LDB2: variants seen among roughly 807,000 people sequenced by gnomAD.
LDB2 encodes LIM domain-binding protein 2.
A neutral mutation model predicts 44.3 loss-of-function variants in LDB2; 12 were observed. The observed-to-expected ratio is 0.27, with a 90% confidence interval of 0.17 to 0.44. The LOEUF (loss-of-function observed/expected upper bound fraction) is 0.44. Among genes scored for constraint, LDB2 ranks in the 20% least tolerant of loss-of-function variants. LDB2 has a pLI of 1.00. For missense variants in LDB2, 344 were observed against 473.5 expected, an observed-to-expected ratio of 0.73 and a Z score of 2.54; for synonymous variants, 164 against 174.8, an observed-to-expected ratio of 0.94 and a Z score of 0.49.
chr4:16,546,285 A>T (rs1184068637), intron 5 of LDB2, among the ~76,000 whole-genome samples: 1 of 152,256 alleles, frequency 6.6e-6, no homozygotes, highest in African/African-American at 2.4e-5. Flanking sequence ...ACAGGTATCT[A>T]CGTTTGAAGG....
chr4:16,865,970 C>G (rs927490877), intron 1 of LDB2, among the ~76,000 whole-genome samples: 1 of 152,184 alleles, frequency 6.6e-6, no homozygotes, highest in Non-Finnish European at 1.5e-5. Flanking sequence ...GAAACTTCCT[C>G]TCTAAATCAG....
intron 1 of LDB2, among the ~76,000 whole-genome samples, chr4:16,784,416 A>T (rs1458721717): frequency 6.6e-6 from 1 of 152,198 alleles, no homozygotes; most frequent in South Asian, 2.1e-4. Context: ...AAGAATGTGC[A>T]CATTTCCTTA....
At chr4:16,769,953 C>T (rs1050866644) in intron 1 of LDB2, among the ~76,000 whole-genome samples, 1 of 152,294 alleles carries the variant, frequency 6.6e-6, no homozygotes, top group Non-Finnish European at 1.5e-5. Flanking sequence ...GTAGAAGTTA[C>T]ATCAGTGGTT....
At chr4:16,608,809 G>A (rs1424826670) in intron 2 of LDB2, among the ~76,000 whole-genome samples, 1 of 152,126 alleles carries the variant, frequency 6.6e-6, no homozygotes, top group Non-Finnish European at 1.5e-5. Context: ...CTTCTGACAG[G>A]GAGAGAGGAA....
At chr4:16,663,009 C>T (rs1400180322) in intron 2 of LDB2, among the ~76,000 whole-genome samples, 2 of 152,010 alleles carry the variant, frequency 1.3e-5, no homozygotes, top group Non-Finnish European at 2.9e-5. Flanking sequence ...CTTTCAGGAT[C>T]CTGAAAGAAT....
At chr4:16,521,104 G>A (rs927088860) in intron 5 of LDB2, among the ~76,000 whole-genome samples, 4 of 152,138 alleles carry the variant, frequency 2.6e-5, no homozygotes, top group Non-Finnish European at 4.4e-5. Context: ...GGTACTCAGG[G>A]AGATTAGAGA....
intron 1 of LDB2, among the ~76,000 whole-genome samples, chr4:16,836,919 A>G (rs1014130655): frequency 4.6e-5 from 7 of 152,242 alleles, no homozygotes; most frequent in African/African-American, 1.7e-4. Context: ...TAAAATCTCT[A>G]GAATTTAATT....
intron 2 of LDB2, among the ~76,000 whole-genome samples, chr4:16,647,607 C>T (rs1737148672): frequency 1.3e-5 from 2 of 152,126 alleles, no homozygotes; most frequent in Non-Finnish European, 2.9e-5. Flanking sequence ...CGATCTGACC[C>T]TACTTTGCCC....
intron 5 of LDB2, among the ~76,000 whole-genome samples, chr4:16,562,758 C>T (rs1302619869): frequency 3.3e-5 from 5 of 152,194 alleles, no homozygotes; most frequent in Non-Finnish European, 7.3e-5. Context: ...TATAAAGACA[C>T]ATGCACACGT....
At chr4:16,570,783 G>A (rs958793949) in intron 5 of LDB2, among the ~76,000 whole-genome samples, 7 of 152,048 alleles carry the variant, frequency 4.6e-5, no homozygotes, top group African/African-American at 9.7e-5. Context: ...TGATGATGAC[G>A]ATGATAATCA....
intron 1 of LDB2, among the ~76,000 whole-genome samples, chr4:16,852,129 C>T (rs998292314): frequency 6.6e-6 from 1 of 152,108 alleles, no homozygotes. Context: ...ATAATAACCA[C>T]ATCTTTTGGG....
At chr4:16,693,888 C>T (rs1186557360) in intron 2 of LDB2, among the ~76,000 whole-genome samples, 1 of 152,200 alleles carries the variant, frequency 6.6e-6, no homozygotes, top group Non-Finnish European at 1.5e-5. Context: ...TCCTTTCTCT[C>T]CCTCTCAGCG....
At chr4:16,670,301 A>G (rs982859467) in intron 2 of LDB2, among the ~76,000 whole-genome samples, 1 of 152,172 alleles carries the variant, frequency 6.6e-6, no homozygotes, top group Non-Finnish European at 1.5e-5. Flanking sequence ...TTTGGTAGAT[A>G]TAGGTACCAA....
intron 7 of LDB2, among the ~76,000 whole-genome samples, chr4:16,504,460 G>A (rs946378251): frequency 2.0e-5 from 3 of 152,178 alleles, no homozygotes; most frequent in Admixed American, 6.5e-5. Context: ...CCCAAATGGA[G>A]TAAGTAAGTG....
intron 2 of LDB2, among the ~76,000 whole-genome samples, chr4:16,677,329 C>T (rs908796382): frequency 3.9e-5 from 6 of 152,120 alleles, no homozygotes; most frequent in African/African-American, 1.4e-4. Flanking sequence ...AGCATATGTG[C>T]ATAAAATACG....
chr4:16,503,523 C>G (rs1261324477), intron 7 of LDB2, among the ~76,000 whole-genome samples: 1 of 152,200 alleles, frequency 6.6e-6, no homozygotes, highest in Non-Finnish European at 1.5e-5. Flanking sequence ...AATGTTCACA[C>G]TGATTTGACA....
intron 1 of LDB2, among the ~76,000 whole-genome samples, chr4:16,764,526 A>C (rs1473729930): frequency 5.5e-5 from 5 of 90,710 alleles, no homozygotes; most frequent in Admixed American, 2.9e-4. Context: ...CAATCACTAC[A>C]AAAAAAAAAA....
rs139412395 is a variant in LDB2 at position 16,805,896 on chromosome 4, C to G, written c.133-46636G>C. ...GCATGAGAATTTTCTTCTCTCTGCTCTCAGGCACCCTCTCTTCTCTGACTG... is the reference window on the plus strand; with the variant it reads ...GCATGAGAATTTTCTTCTCTCTGCTGTCAGGCACCCTCTCTTCTCTGACTG... On this transcript the variant is annotated intron_variant, in intron 1 of 7. Transcript: ENST00000304523. 7.4e-3 allele frequency among the ~76,000 whole-genome samples: 1,125 copies of G among 152,294 alleles called. 13 individuals carry two copies. Among genetic ancestry groups the G allele is most frequent in the African/African-American group, 0.026 (1,081 of 41,562 alleles).
rs1478231263 is a variant in LDB2 at position 16,533,983 on chromosome 4, G to A, written c.616-21879C>T. Among the ~76,000 whole-genome samples the A allele has an allele frequency of 6.6e-6, 1 of 152,038 alleles. No homozygotes were observed. Among genetic ancestry groups the A allele is most frequent in the African/African-American group, 2.4e-5 (1 of 41,386 alleles). On this transcript the variant is annotated intron_variant, in intron 5 of 7. Coordinates refer to ENST00000304523, the MANE Select transcript of LDB2 (RefSeq NM_001290.5). This position sits in a 1 kb window ranked among gnomAD's most constrained non-coding sequence, Gnocchi z 4.1. ...TTAGCAATACAATTCATACCATACA[G>A]CATGTGAGGACTCTGCATTAATTAC...
Sources: allele counts gnomAD v4.1 joint callset (sites outside exome capture counted in the v4.1 genomes callset), GRCh38; gene constraint gnomAD v4.1.1; non-coding constraint Gnocchi (gnomAD v3.1); transcripts MANE v1.5; gene names NCBI Gene and HGNC (gene_info 2026-07-23, HGNC 2026-07-21).